Variants in FBRSL1 observed in about 807,000 individuals in gnomAD.
The protein encoded by FBRSL1 is fibrosin-1-like protein.
In FBRSL1, 51 loss-of-function variants were observed where a neutral mutation model predicts 89.6. That is an observed-to-expected ratio of 0.57 (90% CI 0.45 to 0.72). The LOEUF is 0.72. Ranked by LOEUF, FBRSL1 falls within the 30% of genes least tolerant of loss-of-function variation. The pLI, the probability that FBRSL1 is intolerant of heterozygous loss-of-function variation, is 0.00. For missense variants in FBRSL1, 1,618 were observed against 1,451.8 expected (o/e 1.11, Z -1.86); for synonymous variants, 779 against 681.1 (o/e 1.14, Z -2.24).
At position 132,570,213 on chromosome 12, in the gene FBRSL1, G is replaced by A; in HGVS notation, c.979G>A (p.Ala327Thr). Reference sequence around the variant, plus strand: ...GGGCGCCTTCGCGGGCCACAGCCAGGCGGCAGCCAACGGCCTGCACGGCCT... The same window carrying A: ...GGGCGCCTTCGCGGGCCACAGCCAGACGGCAGCCAACGGCCTGCACGGCCT... ...SLGAFAGHSQ[A>T]AANGLHGLSR... The change falls in exon 7 of 19, where the codon GCG (alanine) becomes ACG (threonine). Residue 327 changes from alanine to threonine, a missense_variant. Physicochemically the swap from Ala to Thr is moderately conservative, Grantham distance 58. Transcript: ENST00000680143. 6.7e-7 allele frequency: 1 copy of A among 1,503,604 alleles called. No individual in the cohort carries two copies. Among genetic ancestry groups the A allele is most frequent in the Non-Finnish European group, 8.8e-7 (1 of 1,134,630 alleles). 93.1% of individuals were successfully genotyped at this position (1,503,604 alleles called of 1,614,324 possible).
chr12:132,571,938 T>C, intron 9 of FBRSL1: 1 of 374,586 alleles, frequency 2.7e-6, no homozygotes, highest in Non-Finnish European at 4.8e-6. Context: ...CTCTCGAGTT[T>C]TATTCGGAAA....
At chr12:132,550,762 G>C (rs1287202704) in intron 5 of FBRSL1, 2 of 154,008 alleles carry the variant, frequency 1.3e-5, no homozygotes, top group Non-Finnish European at 2.9e-5. Flanking sequence ...TGCACCGTAG[G>C]ACTCCCCCGT....
At chr12:132,521,470 C>T (rs1458562227) in intron 2 of FBRSL1, among the ~76,000 whole-genome samples, 1 of 152,162 alleles carries the variant, frequency 6.6e-6, no homozygotes, top group Non-Finnish European at 1.5e-5. Context: ...CTGAGGAAGC[C>T]GTAGGCCCCT....
chr12:132,508,941 C>G (rs1371979797), intron 2 of FBRSL1, among the ~76,000 whole-genome samples: 1 of 152,200 alleles, frequency 6.6e-6, no homozygotes. Flanking sequence ...GCGTGGGGCT[C>G]TGTCCTGGGT....
At chr12:132,513,421 CG>C (rs1247829013) in intron 2 of FBRSL1, among the ~76,000 whole-genome samples, 1 of 151,898 alleles carries the variant, frequency 6.6e-6, no homozygotes, top group Non-Finnish European at 1.5e-5. Context: ...AGGTGTCTTC[CG>C]GGGGGTGACA....
Position 132,576,940 on chromosome 12 carries a change from G to A in FBRSL1, c.1834+9G>A, listed in dbSNP as rs1403602918. 1.3e-6 allele frequency: 2 copies of A among 1,545,442 alleles called. No individual in the cohort carries two copies. Among genetic ancestry groups the A allele is most frequent in the African/African-American group, 1.4e-5 (1 of 72,912 alleles). On this transcript the variant is annotated intron_variant, in intron 15 of 18. Coordinates refer to ENST00000680143, the MANE Select transcript of FBRSL1 (RefSeq NM_001367871.1). ...CCTCTTCCCCAGCACAGGTGAGACT[G>A]GAGTCGGGCCAGGTGGGGGGCACAG...
chr12:132,496,452 T>C (rs887185413), intron 1 of FBRSL1, among the ~76,000 whole-genome samples: 5 of 152,224 alleles, frequency 3.3e-5, no homozygotes, highest in Non-Finnish European at 5.9e-5. Flanking sequence ...TTTGTCACTC[T>C]GGAAGCCTCG....
At position 132,508,328 on chromosome 12, in the gene FBRSL1, T is replaced by A. The variant is rs1227955415; in HGVS notation, c.467T>A (p.Val156Asp). The A allele has an allele frequency of 1.3e-6, 2 of 1,538,298 alleles. No individual in the cohort carries two copies. The highest frequency in any genetic ancestry group is 1.8e-6 in the Non-Finnish European group (2 of 1,141,776). Reference protein sequence around the residue: ...LEPACDGARKVPLQPSKQMKV... With the variant: ...LEPACDGARKDPLQPSKQMKV... ...CCCGCCTGCGATGGGGCGAGAAAGG[T>A]CCCACTGCAGCCCTCCAAGCAGGTG... The change falls in exon 2 of 19, where the codon GTC becomes GAC. Residue 156 changes from valine (V) to aspartate (D), a missense_variant. By Grantham distance (152) the Val-to-Asp change is radical (BLOSUM62 -3). Coordinates refer to ENST00000680143, the MANE Select transcript of FBRSL1 (RefSeq NM_001367871.1).
At chr12:132,498,381 T>C (rs1049004957) in intron 1 of FBRSL1, among the ~76,000 whole-genome samples, 2 of 152,152 alleles carry the variant, frequency 1.3e-5, no homozygotes, top group Non-Finnish European at 2.9e-5. Context: ...TCAGACACCT[T>C]CTGGCCAATC....
At position 132,582,973 on chromosome 12, in the gene FBRSL1, AC is replaced by A. The variant is rs1263185627; in HGVS notation, c.2206del (p.Leu736SerfsTer8). On this transcript the variant is annotated frameshift_variant, in exon 19 of 19. Transcript: ENST00000680143. LOFTEE classifies it high-confidence loss of function. Reference protein sequence around the residue: ...PDNGKEEQERDLLEKTRLLSR... With the variant: ...PDNGKEEQERXLLEKTRLLSR... ...CGGGTCCGCCCTGCCGCCCCCAGGGACCTCCTGGAGAAGACGCGCCTGCTGA... is the reference window on the plus strand; with the variant it reads ...CGGGTCCGCCCTGCCGCCCCCAGGGACTCCTGGAGAAGACGCGCCTGCTGA... 1 of 1,419,096 alleles carries A rather than the reference AC, an allele frequency of 7.0e-7. No homozygotes were observed. The highest frequency in any genetic ancestry group is 9.1e-7 in the Non-Finnish European group (1 of 1,095,886). 87.9% of individuals were successfully genotyped at this position (1,419,096 alleles called of 1,614,324 possible). A position where few individuals can be genotyped will look rare whatever the true frequency, so the allele number is the denominator to read the frequency against.
Position 132,583,137 on chromosome 12 carries a change from AAGG to A in FBRSL1, c.2375_2377del (p.Glu792del), listed in dbSNP as rs1009350420. On this transcript the variant is annotated inframe_deletion, in exon 19 of 19. Coordinates refer to ENST00000680143, the MANE Select transcript of FBRSL1 (RefSeq NM_001367871.1). ...GGTCAAGGAGAGCCGCTCCCCGGCC[AAGG>A]AGGAGGCCGCCAAGATGCCCGCGCG... is the stretch of plus-strand genomic sequence containing the variant. The A allele has an allele frequency of 6.8e-7, 1 of 1,463,492 alleles. No homozygotes were observed. The highest frequency in any genetic ancestry group is 1.3e-5 in the South Asian group (1 of 78,370). The allele number at this position is 1,463,492 out of a possible 1,614,324, so 90.7% of individuals were successfully genotyped here.
At chr12:132,578,936 G>T (rs982481865) in intron 15 of FBRSL1, among the ~76,000 whole-genome samples, 2 of 152,260 alleles carry the variant, frequency 1.3e-5, no homozygotes, top group African/African-American at 4.8e-5. Flanking sequence ...AGAAGTCCAG[G>T]CTGCAGTTTC....
At chr12:132,496,281 G>A (rs991739435) in intron 1 of FBRSL1, among the ~76,000 whole-genome samples, 2 of 152,174 alleles carry the variant, frequency 1.3e-5, no homozygotes, top group East Asian at 1.9e-4. Context: ...GTCGCCAGAC[G>A]TCCGCCATAT....
chr12:132,512,070 G>A, intron 2 of FBRSL1: 2 of 929,954 alleles, frequency 2.2e-6, no homozygotes, highest in South Asian at 5.0e-5. Context: ...ACAGAGGGGA[G>A]ACCTGGAGCA....
At chr12:132,509,946 C>G in intron 2 of FBRSL1, 13 of 1,231,056 alleles carry the variant, frequency 1.1e-5, no homozygotes, top group Non-Finnish European at 1.3e-5. Context: ...CGGCCAGCCC[C>G]GAAGGTCCCT....
intron 5 of FBRSL1, chr12:132,565,156 C>T (rs1344304531): frequency 6.6e-6 from 1 of 152,250 alleles, no homozygotes; most frequent in African/African-American, 2.4e-5. Flanking sequence ...CCGGCCCCTC[C>T]CTGGTAGCAG....
In FBRSL1 at chr12:132,571,170, C is replaced by T. The variant is rs1410786167; in HGVS notation, c.1316C>T (p.Pro439Leu). ...TWSQAPLLPA[P>L]LGPHVASGHP... ...TCACAGGCTCCTCTCTTACCTGCACCCCTGGGCCCGCACGTGGCGAGCGGC... is the reference window on the plus strand; with the variant it reads ...TCACAGGCTCCTCTCTTACCTGCACTCCTGGGCCCGCACGTGGCGAGCGGC... Residue 439 changes from proline to leucine, a missense_variant, in exon 9 of 19, where the codon CCC becomes CTC. By Grantham distance (98) the Pro-to-Leu change is moderately conservative. Transcript: ENST00000680143. 1.4e-6 allele frequency: 2 copies of T among 1,425,094 alleles called. No individual in the cohort carries two copies. The highest frequency in any genetic ancestry group is 1.5e-5 in the South Asian group (1 of 66,184). 88.3% of individuals were successfully genotyped at this position (1,425,094 alleles called of 1,614,324 possible). A position where few individuals can be genotyped will look rare whatever the true frequency, so the allele number is the denominator to read the frequency against.
At chr12:132,525,852 G>T in intron 3 of FBRSL1, 29 bp downstream of exon 3, 1 of 1,522,856 alleles carries the variant, frequency 6.6e-7, no homozygotes. Context: ...GCGCCCGGAG[G>T]CTCCGAGTCT....
chr12:132,528,635 C>T (rs147128618), intron 4 of FBRSL1, among the ~76,000 whole-genome samples: 38 of 151,630 alleles, frequency 2.5e-4, no homozygotes, highest in Non-Finnish European at 5.3e-4. Context: ...TCCGGGGGAG[C>T]GGGTGTGTTT....
Sources: allele counts gnomAD v4.1 joint callset (sites outside exome capture counted in the v4.1 genomes callset), GRCh38; gene constraint gnomAD v4.1.1; transcripts MANE v1.5; gene names NCBI Gene and HGNC (gene_info 2026-07-23, HGNC 2026-07-21).